The following GMDS variants were observed in gnomAD, a reference collection of about 807,000 sequenced individuals.
GMDS encodes GDP-mannose 4,6 dehydratase.
In GMDS, 20 loss-of-function variants were observed where a neutral mutation model predicts 49.9. The ratio of observed to expected loss-of-function variants is 0.40; its 90% CI spans 0.28 to 0.58. The LOEUF (loss-of-function observed/expected upper bound fraction) is 0.58, where lower values mean the gene tolerates loss of function less well. Ranked by LOEUF, GMDS falls within the 20% of genes least tolerant of loss-of-function variation. GMDS has a pLI of 0.42. For synonymous variants in GMDS, 177 were observed against 178.6 expected, an observed-to-expected ratio of 0.99 and a Z score of 0.07; for missense variants, 362 against 481.4, an observed-to-expected ratio of 0.75 and a Z score of 2.32.
At chr6:1,953,243 G>C (rs1017263376) in intron 6 of GMDS, among the ~76,000 whole-genome samples, 2 of 152,084 alleles carry the variant, frequency 1.3e-5, no homozygotes, top group Admixed American at 1.3e-4. Flanking sequence ...CACAGAAACC[G>C]AGGCTGCTGT....
At chr6:2,182,003 G>A (rs192372218) in intron 1 of GMDS, among the ~76,000 whole-genome samples, 16 of 152,352 alleles carry the variant, frequency 1.1e-4, no homozygotes, top group Admixed American at 9.8e-4. Flanking sequence ...AGCTGTGAAT[G>A]CACATGAAAA....
intron 1 of GMDS, among the ~76,000 whole-genome samples, chr6:2,237,252 T>C (rs35017317): frequency 0.081 from 12,302 of 152,256 alleles, 745 homozygotes; most frequent in Non-Finnish European, 0.12. Flanking sequence ...GTCACAAGAT[T>C]TTGGCAGGAA....
At chr6:1,897,657 G>A (rs1760271773) in intron 7 of GMDS, among the ~76,000 whole-genome samples, 2 of 152,184 alleles carry the variant, frequency 1.3e-5, no homozygotes, top group African/African-American at 2.4e-5. Flanking sequence ...TCAGTTCTCT[G>A]AGTTGGGAGC....
At chr6:1,974,099 C>T (rs1764764016) in intron 4 of GMDS, among the ~76,000 whole-genome samples, 1 of 151,852 alleles carries the variant, frequency 6.6e-6, no homozygotes, top group Non-Finnish European at 1.5e-5. Flanking sequence ...TTTCTCTTGA[C>T]CTCTCTCCTC....
At chr6:2,122,920 G>T (rs1775219913) in intron 2 of GMDS, among the ~76,000 whole-genome samples, 2 of 152,100 alleles carry the variant, frequency 1.3e-5, no homozygotes, top group Non-Finnish European at 2.9e-5. Context: ...CATTAACTAT[G>T]ATTTGCCAAG....
intron 1 of GMDS, among the ~76,000 whole-genome samples, chr6:2,241,768 G>A (rs1353650716): frequency 6.6e-6 from 1 of 152,182 alleles, no homozygotes; most frequent in Non-Finnish European, 1.5e-5. Context: ...CATGCTTCTT[G>A]TACAGCCTTC....
At chr6:1,856,892 G>C (rs1347481451) in intron 7 of GMDS, among the ~76,000 whole-genome samples, 2 of 152,214 alleles carry the variant, frequency 1.3e-5, no homozygotes, top group Admixed American at 6.5e-5. Context: ...GCCACTGAGA[G>C]AGAGGGCAAA....
chr6:2,097,298 G>C (rs1773661235), intron 4 of GMDS, among the ~76,000 whole-genome samples: 1 of 152,110 alleles, frequency 6.6e-6, no homozygotes, highest in Non-Finnish European at 1.5e-5. Context: ...AGAGAGAGTA[G>C]AACAGATGGC....
intron 1 of GMDS, among the ~76,000 whole-genome samples, chr6:2,174,289 G>T (rs929785225): frequency 6.6e-6 from 1 of 152,184 alleles, no homozygotes; most frequent in Admixed American, 6.5e-5. Context: ...AAGGATAAGA[G>T]AATGTTTGAA....
chr6:2,097,077 T>C (rs1773647168), intron 4 of GMDS, among the ~76,000 whole-genome samples: 1 of 151,368 alleles, frequency 6.6e-6, no homozygotes, highest in African/African-American at 2.4e-5. Context: ...TACAAAAATA[T>C]AAAGAAAATA....
intron 7 of GMDS, among the ~76,000 whole-genome samples, chr6:1,754,655 T>G (rs990316176): frequency 6.6e-6 from 1 of 152,052 alleles, no homozygotes. Context: ...CCAAATCCAG[T>G]AGCACATCAA....
intron 9 of GMDS, among the ~76,000 whole-genome samples, chr6:1,701,152 C>G (rs1321468421): frequency 6.6e-6 from 1 of 152,182 alleles, no homozygotes; most frequent in Non-Finnish European, 1.5e-5. Flanking sequence ...GTCTCTCTGC[C>G]TCTCCCTCCC....
Position 2,159,813 on chromosome 6 carries a change from G to A in GMDS, c.103-35082C>T, listed in dbSNP as rs538392433. Among the ~76,000 whole-genome samples, 966 of 151,918 alleles carry A rather than the reference G, an allele frequency of 6.4e-3. 12 individuals are homozygous for A. The highest frequency in any genetic ancestry group is 0.022 in the African/African-American group (926 of 41,400). ...ACTACAGGTGTGAGCCACAGCACCCGGCCAATTTTTTCAATATTTCTAGGC... is the reference window on the plus strand; with the variant it reads ...ACTACAGGTGTGAGCCACAGCACCCAGCCAATTTTTTCAATATTTCTAGGC... On this transcript the variant is annotated intron_variant, in intron 1 of 10. Coordinates refer to ENST00000380815, the MANE Select transcript of GMDS (RefSeq NM_001500.4).
intron 6 of GMDS, 79 bp from the exon 7 acceptor site, chr6:1,930,309 G>C (rs1762231582): frequency 8.4e-7 from 1 of 1,185,194 alleles, no homozygotes; most frequent in African/African-American, 1.5e-5. Flanking sequence ...ACCCGATTTC[G>C]GCCTCTGGGC....
intron 1 of GMDS, among the ~76,000 whole-genome samples, chr6:2,225,369 TATG>T (rs1780769944): frequency 6.6e-6 from 1 of 152,142 alleles, no homozygotes; most frequent in Non-Finnish European, 1.5e-5. Flanking sequence ...GCCTTTATCC[TATG>T]ATCTCATTAA....
chr6:1,955,839 A>G (rs1561921036), intron 6 of GMDS, among the ~76,000 whole-genome samples: 1 of 152,206 alleles, frequency 6.6e-6, no homozygotes, highest in African/African-American at 2.4e-5. Flanking sequence ...GGCAGTCAAA[A>G]CCGTAATGAG....
chr6:1,834,533 GT>G (rs1756833964), intron 7 of GMDS, among the ~76,000 whole-genome samples: 1 of 152,076 alleles, frequency 6.6e-6, no homozygotes, highest in Non-Finnish European at 1.5e-5. Flanking sequence ...TTTATTTACA[GT>G]GCTTTTGTAA....
At chr6:2,096,263 G>A (rs559327443) in intron 4 of GMDS, among the ~76,000 whole-genome samples, 4 of 152,296 alleles carry the variant, frequency 2.6e-5, no homozygotes, top group Admixed American at 6.5e-5. Flanking sequence ...AATGAAAGAA[G>A]TAAATATCCA....
chr6:1,787,458 G>C (rs766616765), intron 7 of GMDS, among the ~76,000 whole-genome samples: 19 of 152,198 alleles, frequency 1.2e-4, no homozygotes, highest in Non-Finnish European at 2.5e-4. Context: ...GTTCAGGCCT[G>C]GCTGCCATTA....
Sources: allele counts gnomAD v4.1 joint callset (sites outside exome capture counted in the v4.1 genomes callset), GRCh38; gene constraint gnomAD v4.1.1; transcripts MANE v1.5; gene names NCBI Gene and HGNC (gene_info 2026-07-23, HGNC 2026-07-21).